The following EDC3 variants were observed in gnomAD, a reference collection of about 807,000 sequenced individuals.
The protein encoded by EDC3 is enhancer of mRNA-decapping protein 3.
In EDC3, 20 loss-of-function variants were observed where a neutral mutation model predicts 41.8. The observed-to-expected ratio is 0.48, with a 90% CI of 0.34 to 0.70. The LOEUF (loss-of-function observed/expected upper bound fraction) is 0.70. Among genes scored for constraint, EDC3 ranks in the 30% least tolerant of loss-of-function variants. The pLI is 0.01. For synonymous variants in EDC3, 206 were observed against 243.2 expected (o/e 0.85, Z 1.42); for missense variants, 444 against 636.8 (o/e 0.70, Z 3.26).
intron 4 of EDC3, chr15:74,641,332 T>C (rs747657924): frequency 6.6e-6 from 1 of 152,226 alleles, no homozygotes; most frequent in Non-Finnish European, 1.5e-5. Context: ...GTAACTTTTA[T>C]AAAAGTTGGG....
chr15:74,690,606 G>A (rs961945689), intron 1 of EDC3, among the ~76,000 whole-genome samples: 4 of 152,204 alleles, frequency 2.6e-5, no homozygotes, highest in African/African-American at 9.6e-5. Flanking sequence ...CACACAACAG[G>A]AAAGGTGTTT....
At chr15:74,669,764 A>C (rs2062718568) in intron 3 of EDC3, among the ~76,000 whole-genome samples, 1 of 152,076 alleles carries the variant, frequency 6.6e-6, no homozygotes, top group Non-Finnish European at 1.5e-5. Context: ...CTCACTCTAA[A>C]TTGTGCCTTT....
In EDC3 at chr15:74,647,451, T is replaced by C. The variant is rs546585199; in HGVS notation, c.821-6832A>G. 1.4e-3 allele frequency among the ~76,000 whole-genome samples: 210 copies of C among 152,320 alleles called. 5 individuals carry two copies. In the South Asian group the frequency reaches 0.043, roughly 31 times the overall value. ...TCATAAAAACTCAGGTGTCAGGCTT[T>C]AATGCACTAGGCTCCAGATCCTCTA... On this transcript the variant is annotated intron_variant, in intron 4 of 6. Coordinates refer to ENST00000315127, the MANE Select transcript of EDC3 (RefSeq NM_025083.5).
Position 74,632,786 on chromosome 15 carries a change from C to G in EDC3, c.1353G>C (p.Gln451His). Reference sequence around the variant, plus strand: ...CCAGTGACCATTTGGCATCAATGCCCTGTTCGACTTCATGCACAGGAGGGT... The same window carrying G: ...CCAGTGACCATTTGGCATCAATGCCGTGTTCGACTTCATGCACAGGAGGGT... Reference protein sequence around the residue: ...SIDPPVHEVEQGIDAKWSLAL... With the variant: ...SIDPPVHEVEHGIDAKWSLAL... Residue 451 changes from glutamine to histidine, a missense_variant, in exon 7 of 7, where the codon CAG (glutamine) becomes CAC (histidine). Physicochemically the swap from Gln to His is conservative, Grantham distance 24. Transcript: ENST00000315127. This position sits in a 1 kb window ranked among gnomAD's most constrained non-coding sequence, Gnocchi z 4.0. The G allele has an allele frequency of 6.2e-7, 1 of 1,614,264 alleles. No individual in the cohort carries two copies.
intron 3 of EDC3, among the ~76,000 whole-genome samples, chr15:74,669,629 C>G (rs2062717095): frequency 6.6e-6 from 1 of 152,114 alleles, no homozygotes; most frequent in Non-Finnish European, 1.5e-5. Context: ...TAATAGAATT[C>G]ACCCAGCACA....
chr15:74,663,137 A>C (rs1247237899), intron 3 of EDC3, among the ~76,000 whole-genome samples: 3 of 152,034 alleles, frequency 2.0e-5, no homozygotes. Context: ...AAATACAAAA[A>C]TTAGCCAGGT....
At chr15:74,643,265 T>C (rs1169451142) in intron 4 of EDC3, 1 of 152,180 alleles carries the variant, frequency 6.6e-6, no homozygotes, top group Non-Finnish European at 1.5e-5. Flanking sequence ...AGTCTAATTA[T>C]GTTTGAGTTG....
chr15:74,690,291 G>A (rs972582042), intron 1 of EDC3, among the ~76,000 whole-genome samples: 25 of 152,198 alleles, frequency 1.6e-4, no homozygotes, highest in African/African-American at 6.0e-4. Flanking sequence ...AGGATTTCCA[G>A]ACTACTGAAT....
chr15:74,640,357 G>A, intron 5 of EDC3, 109 bp downstream of exon 5: 2 of 1,275,762 alleles, frequency 1.6e-6, no homozygotes, highest in Non-Finnish European at 2.2e-6. Context: ...CATCAGATGA[G>A]CAGAAACTGC....
chr15:74,676,205 C>T (rs185589910), intron 1 of EDC3, among the ~76,000 whole-genome samples: 2 of 152,108 alleles, frequency 1.3e-5, no homozygotes, highest in East Asian at 1.9e-4. Context: ...TCTAACTCAA[C>T]GATAATGAAA....
In EDC3 at chr15:74,671,844, G is replaced by T; in HGVS notation, c.165-70C>A. On this transcript the variant is annotated intron_variant, in intron 2 of 6. Coordinates refer to ENST00000315127, the MANE Select transcript of EDC3 (RefSeq NM_025083.5). The surrounding 1 kb of genome is among the most constrained non-coding windows in gnomAD (Gnocchi z 4.6). ...AAGAATGATGAAACTGAGATCATTA[G>T]CAAACAGCTACCCCTTTGCAGGACT... is the stretch of plus-strand genomic sequence containing the variant. The T allele has an allele frequency of 2.8e-6, 4 of 1,452,966 alleles. No individual in the cohort carries two copies. Among genetic ancestry groups the T allele is most frequent in the East Asian group, 2.3e-5 (1 of 43,976 alleles). The allele number at this position is 1,452,966 out of a possible 1,614,324, so 90.0% of individuals were successfully genotyped here.
chr15:74,661,855 CTTTT>C (rs1193695150), intron 3 of EDC3, among the ~76,000 whole-genome samples: 1 of 151,808 alleles, frequency 6.6e-6, no homozygotes, highest in Non-Finnish European at 1.5e-5. Context: ...AGGAGTATTC[CTTTT>C]TAAAAATAAT....
Position 74,650,584 on chromosome 15 carries a change from C to T in EDC3, c.820+5149G>A, listed in dbSNP as rs568267117. ...GGGCATATATGGAATCTTTCCATCTCCTATTACATTTTCATAACTTAAAGG... is the reference window on the plus strand; with the variant it reads ...GGGCATATATGGAATCTTTCCATCTTCTATTACATTTTCATAACTTAAAGG... On this transcript the variant is annotated intron_variant, in intron 4 of 6. Coordinates refer to ENST00000315127, the MANE Select transcript of EDC3 (RefSeq NM_025083.5). Among the ~76,000 whole-genome samples, 85 of 152,288 alleles carry T rather than the reference C, an allele frequency of 5.6e-4. No homozygotes were observed. In the South Asian group the frequency reaches 0.014, roughly 25 times the overall value.
At chr15:74,676,866 T>A (rs1010401073) in intron 1 of EDC3, 2 of 152,130 alleles carry the variant, frequency 1.3e-5, no homozygotes, top group African/African-American at 4.8e-5. Context: ...CAGGCAAGCA[T>A]ATGAAAAGAT....
intron 6 of EDC3, chr15:74,635,133 T>C (rs1435357109): frequency 7.8e-6 from 5 of 644,336 alleles, no homozygotes; most frequent in Admixed American, 2.1e-5. Context: ...TTTAAAAAAA[T>C]CTGTTGCCAT....
At chr15:74,645,857 TAGAG>T (rs151337736) in intron 4 of EDC3, among the ~76,000 whole-genome samples, 2,108 of 152,068 alleles carry the variant, frequency 0.014, 76 homozygotes, top group East Asian at 0.13. Flanking sequence ...GCCTGGGCGA[TAGAG>T]AGAGACCTGT....
At chr15:74,669,996 G>C (rs1052387960) in intron 3 of EDC3, among the ~76,000 whole-genome samples, 1 of 147,902 alleles carries the variant, frequency 6.8e-6, no homozygotes, top group Non-Finnish European at 1.5e-5. Flanking sequence ...GGTGCACGCT[G>C]CCACGCCCAG....
rs553525578 is a variant in EDC3, at chr15:74,687,186, C to CA, written c.-19+8693dup. On this transcript the variant is annotated intron_variant, in intron 1 of 6. Coordinates refer to ENST00000315127, the MANE Select transcript of EDC3 (RefSeq NM_025083.5). ...TGGGCAACACAGCAAGACCCTGTCT[C>CA]AAAAAAAAAAACAAAAAACAGTATG... 6.9e-3 allele frequency: 962 copies of CA among 139,646 alleles called. 5 individuals are homozygous for CA. Among genetic ancestry groups the CA allele is most frequent in the South Asian group, 0.019 (85 of 4,380 alleles). The allele number at this position is 139,646 out of a possible 1,614,324, so 8.7% of individuals were successfully genotyped here.
Position 74,631,914 on chromosome 15 carries a change from G to C in EDC3, c.*698C>G, listed in dbSNP as rs2062214298. 1 of 153,172 alleles carries C rather than the reference G, an allele frequency of 6.5e-6. No homozygotes were observed. The highest frequency in any genetic ancestry group is 2.4e-5 in the African/African-American group (1 of 41,432). 9.5% of individuals were successfully genotyped at this position (153,172 alleles called of 1,614,324 possible). On this transcript the variant is annotated 3_prime_UTR_variant, in exon 7 of 7. Coordinates refer to ENST00000315127, the MANE Select transcript of EDC3 (RefSeq NM_025083.5). ...TATACTACCTGTGCTGAAGACGACA[G>C]AACAACATAAAATCCCAATACAGTA... is the stretch of plus-strand genomic sequence containing the variant.
Sources: gnomAD v4.1 joint callset for allele counts (sites outside exome capture counted in the v4.1 genomes callset) on GRCh38, gnomAD v4.1.1 for gene constraint, Gnocchi (gnomAD v3.1) non-coding constraint, MANE v1.5 for transcripts, NCBI Gene and HGNC (gene_info 2026-07-23, HGNC 2026-07-21) for gene names.